The following POU6F2 variants were observed in gnomAD, a reference collection of about 807,000 sequenced individuals.
POU6F2 encodes the protein POU domain, class 6, transcription factor 2.
Under a neutral mutation model 71.3 loss-of-function variants are expected in POU6F2, and 31 were observed. That is an observed-to-expected ratio of 0.43 (90% CI 0.33 to 0.59). The LOEUF is 0.59. POU6F2 is among the 20% of genes least tolerant of loss of function. The pLI is 0.04. For missense variants in POU6F2, 783 were observed against 856.8 expected (o/e 0.91, Z 1.07); for synonymous variants, 347 against 355.7 (o/e 0.98, Z 0.27).
chr7:39,192,026 A>G (rs750175564), intron 2 of POU6F2, among the ~76,000 whole-genome samples: 1 of 152,196 alleles, frequency 6.6e-6, no homozygotes, highest in Non-Finnish European at 1.5e-5. Flanking sequence ...TTGTTACCCC[A>G]TCTTTGAAGA....
rs141249466 is a variant in POU6F2, at chr7:39,406,650, G to A, written c.1023G>A (p.Met341Ile). The change falls in exon 6 of 10, where the codon ATG (methionine) becomes ATA (isoleucine). Residue 341 changes from methionine (M) to isoleucine (I), a missense_variant. Physicochemically the swap from Met to Ile is conservative, Grantham distance 10. Transcript: ENST00000518318. The part of the protein sequence containing the change: ...ASQAAAAAAA[M>I]SSIASSQAFG... ...AGGCTGCAGCGGCTGCAGCAGCCATGAGCTCCATAGCAAGCTCACAGGCCT... is the reference window on the plus strand; with the variant it reads ...AGGCTGCAGCGGCTGCAGCAGCCATAAGCTCCATAGCAAGCTCACAGGCCT... 1 of 1,613,592 alleles carries A rather than the reference G, an allele frequency of 6.2e-7. No homozygotes were observed. The highest frequency in any genetic ancestry group is 8.5e-7 in the Non-Finnish European group (1 of 1,179,838).
chr7:39,457,960 A>C (rs1788842637), intron 8 of POU6F2, among the ~76,000 whole-genome samples: 1 of 151,944 alleles, frequency 6.6e-6, no homozygotes, highest in Non-Finnish European at 1.5e-5. Flanking sequence ...CTCCCCCTGC[A>C]AGCAGCATTT....
At chr7:39,035,297 GT>G (rs1790033602) in intron 1 of POU6F2, among the ~76,000 whole-genome samples, 1 of 152,054 alleles carries the variant, frequency 6.6e-6, no homozygotes, top group African/African-American at 2.4e-5. Context: ...CAGAATAAAA[GT>G]TCTGGAGTTG....
intron 2 of POU6F2, among the ~76,000 whole-genome samples, chr7:39,135,641 G>A (rs1020054145): frequency 1.3e-5 from 2 of 151,758 alleles, no homozygotes; most frequent in Non-Finnish European, 2.9e-5. Flanking sequence ...CTAACAGGAG[G>A]ATACGTTCTC....
intron 2 of POU6F2, among the ~76,000 whole-genome samples, chr7:39,136,550 G>A (rs1320780718): frequency 6.6e-6 from 1 of 152,144 alleles, no homozygotes; most frequent in African/African-American, 2.4e-5. Flanking sequence ...AATAAGTTTA[G>A]TACACATTTG....
At chr7:39,026,659 G>T in intron 1 of POU6F2, among the ~76,000 whole-genome samples, 1 of 152,088 alleles carries the variant, frequency 6.6e-6, no homozygotes, top group Non-Finnish European at 1.5e-5. Context: ...TAAATGACGA[G>T]TTAATGGGTG....
chr7:39,096,452 A>C (rs943415369), intron 2 of POU6F2, among the ~76,000 whole-genome samples: 2 of 152,204 alleles, frequency 1.3e-5, no homozygotes, highest in Non-Finnish European at 2.9e-5. Flanking sequence ...CTAAAGGCTC[A>C]TCTCTTGTCA....
intron 6 of POU6F2, among the ~76,000 whole-genome samples, chr7:39,417,791 A>G (rs1001346221): frequency 1.2e-4 from 19 of 152,212 alleles, no homozygotes; most frequent in Non-Finnish European, 5.9e-5. Flanking sequence ...TTCAAATCAG[A>G]CAAATCTGAA....
At chr7:39,399,347 C>T (rs942244953) in intron 5 of POU6F2, among the ~76,000 whole-genome samples, 2 of 152,198 alleles carry the variant, frequency 1.3e-5, no homozygotes, top group African/African-American at 4.8e-5. Context: ...AATGCTCGGT[C>T]CCACAAGACT....
intron 1 of POU6F2, among the ~76,000 whole-genome samples, chr7:39,045,393 A>C (rs1201392542): frequency 6.6e-6 from 1 of 151,812 alleles, no homozygotes; most frequent in African/African-American, 2.4e-5. Context: ...ATAGCTCTTT[A>C]TGCTCTCTCC....
At chr7:39,337,981 C>G (rs557646633) in intron 4 of POU6F2, among the ~76,000 whole-genome samples, 1 of 152,284 alleles carries the variant, frequency 6.6e-6, no homozygotes, top group African/African-American at 2.4e-5. Context: ...GCCAATATTC[C>G]CAGACTTTCC....
intron 2 of POU6F2, among the ~76,000 whole-genome samples, chr7:39,134,026 C>T (rs1187709575): frequency 1.3e-5 from 2 of 152,064 alleles, no homozygotes; most frequent in Non-Finnish European, 2.9e-5. Context: ...AGGCGTGTAC[C>T]ACCATGACCG....
intron 1 of POU6F2, among the ~76,000 whole-genome samples, chr7:39,042,867 C>T (rs77969358): frequency 0.017 from 2,540 of 152,032 alleles, 71 homozygotes; most frequent in African/African-American, 0.058. Flanking sequence ...TTAACTGGGG[C>T]AGGGAGAATA....
chr7:39,071,142 G>A (rs1336040085), intron 1 of POU6F2, among the ~76,000 whole-genome samples: 1 of 152,014 alleles, frequency 6.6e-6, no homozygotes, highest in Non-Finnish European at 1.5e-5. Context: ...GAATCAGTGG[G>A]AGCCCTGAGC....
intron 1 of POU6F2, among the ~76,000 whole-genome samples, chr7:39,043,249 G>A (rs1381459244): frequency 6.6e-6 from 1 of 151,828 alleles, no homozygotes; most frequent in African/African-American, 2.4e-5. Flanking sequence ...TGTAAAAATG[G>A]TAAGAAAATA....
chr7:39,198,015 A>G (rs1321947609), intron 2 of POU6F2, among the ~76,000 whole-genome samples: 2 of 152,226 alleles, frequency 1.3e-5, no homozygotes, highest in Non-Finnish European at 1.5e-5. Context: ...CTAACTGCCT[A>G]AAGTATGTCA....
At chr7:39,351,061 G>A (rs944622945) in intron 5 of POU6F2, among the ~76,000 whole-genome samples, 78 of 152,350 alleles carry the variant, frequency 5.1e-4, no homozygotes, top group Middle Eastern at 3.4e-3. Flanking sequence ...ATGGAACCGC[G>A]GTGGGCACCA....
intron 5 of POU6F2, among the ~76,000 whole-genome samples, chr7:39,341,443 C>T (rs964140978): frequency 1.3e-5 from 2 of 152,168 alleles, no homozygotes; most frequent in Non-Finnish European, 2.9e-5. Flanking sequence ...AAAACGTCTT[C>T]ATTGTCCACT....
At chr7:39,429,908 A>G (rs1328844841) in intron 6 of POU6F2, among the ~76,000 whole-genome samples, 5 of 152,348 alleles carry the variant, frequency 3.3e-5, no homozygotes, top group Middle Eastern at 6.8e-3. Context: ...TTAATTTAAA[A>G]TATGATTTCC....
Sources: allele counts gnomAD v4.1 joint callset (sites outside exome capture counted in the v4.1 genomes callset), GRCh38; gene constraint gnomAD v4.1.1; transcripts MANE v1.5; gene names NCBI Gene and HGNC (gene_info 2026-07-23, HGNC 2026-07-21).